RAB38: variants seen among roughly 807,000 people sequenced by gnomAD.
RAB38 encodes the protein RAB38, member RAS oncogene family.
A neutral mutation model predicts 18.4 loss-of-function variants in RAB38; 15 were observed. That is an observed-to-expected ratio of 0.82 (90% CI 0.55 to 1.26). The LOEUF is 1.26. RAB38 is among the 50% of genes most tolerant of loss of function. The probability of loss-of-function intolerance (pLI) is 0.00; values close to 1 mark genes in which losing one functional copy is unlikely to be tolerated. For missense variants in RAB38, 294 were observed against 267.4 expected (o/e 1.10, Z -0.69); for synonymous variants, 101 against 104.4 (o/e 0.97, Z 0.20).
At position 88,149,880 on chromosome 11, in the gene RAB38, G is replaced by C. The variant is rs1197731897; in HGVS notation, c.278C>G (p.Thr93Ser). The change falls in exon 2 of 3, where the codon ACC becomes AGC. Residue 93 changes from threonine (T) to serine (S), a missense_variant. Thr to Ser is a moderately conservative substitution (Grantham distance 58, BLOSUM62 1). Transcript: ENST00000243662. ...CACTGCTTCAAATGTGGCTGGCCTG[G>C]TGACATCGAAGACAATAAATGCACC... ...AMGAFIVFDV[T>S]RPATFEAVAK... The C allele has an allele frequency of 1.2e-6, 2 of 1,613,820 alleles. No homozygotes were observed. The highest frequency in any genetic ancestry group is 1.1e-5 in the South Asian group (1 of 91,044).
At chr11:88,088,319 T>G in the RAB38 span, among the ~76,000 whole-genome samples, 1 of 151,938 alleles carries the variant, frequency 6.6e-6, no homozygotes, top group South Asian at 2.1e-4. Context: ...AAATGCAGGT[T>G]GTGGTGTCCT....
the RAB38 span, among the ~76,000 whole-genome samples, chr11:87,868,068 A>G: frequency 6.6e-6 from 1 of 151,728 alleles, no homozygotes; most frequent in Non-Finnish European, 1.5e-5. Context: ...TGAAATGTGG[A>G]ACATTATGTT....
the RAB38 span, among the ~76,000 whole-genome samples, chr11:87,893,176 C>A: frequency 2.0e-5 from 3 of 151,234 alleles, no homozygotes; most frequent in African/African-American, 7.3e-5. Flanking sequence ...TTTTCTCTCA[C>A]CAAAGACCAG....
chr11:87,969,239 T>A, the RAB38 span, among the ~76,000 whole-genome samples: 1 of 152,130 alleles, frequency 6.6e-6, no homozygotes, highest in Admixed American at 6.6e-5. Flanking sequence ...AAGATCCTCA[T>A]CTTACACAAC....
Position 88,149,714 on chromosome 11 carries a change from C to G in RAB38, c.444G>C (p.Lys148Asn). The change falls in exon 2 of 3, where the codon AAG (lysine) becomes AAC (asparagine). Residue 148 changes from lysine (K) to asparagine (N), a missense_variant. Physicochemically the swap from Lys to Asn is moderately conservative, Grantham distance 94 (BLOSUM62 0). Transcript: ENST00000243662. ...CAAACCATCCTACGAAACCGTGCTC[C>G]TTGCAGAACTGGTCCATCTTGAGGC... ...NNGLKMDQFCKEHGFVGWFET... is the reference protein window; with the variant it reads ...NNGLKMDQFCNEHGFVGWFET... The G allele has an allele frequency of 6.2e-7, 1 of 1,613,596 alleles. No homozygotes were observed. The highest frequency in any genetic ancestry group is 8.5e-7 in the Non-Finnish European group (1 of 1,179,560).
the RAB38 span, among the ~76,000 whole-genome samples, chr11:88,053,723 T>G: frequency 6.6e-6 from 1 of 151,428 alleles, no homozygotes; most frequent in Non-Finnish European, 1.5e-5. Context: ...TGATACGCAG[T>G]GACTTGCCAA....
the RAB38 span, among the ~76,000 whole-genome samples, chr11:87,938,876 T>C: frequency 3.3e-5 from 5 of 151,914 alleles, no homozygotes; most frequent in African/African-American, 9.7e-5. Flanking sequence ...AGTATTACTA[T>C]ATTTATTTTA....
chr11:88,146,198 T>C (rs1942983455), intron 2 of RAB38, among the ~76,000 whole-genome samples: 1 of 152,184 alleles, frequency 6.6e-6, no homozygotes, highest in Admixed American at 6.5e-5. Context: ...AGGGTAAATT[T>C]CCCTCAGCAG....
chr11:87,869,283 A>G, the RAB38 span, among the ~76,000 whole-genome samples: 1 of 150,650 alleles, frequency 6.6e-6, no homozygotes, highest in East Asian at 2.0e-4. Context: ...TTTAACATCT[A>G]TCTCATTTAA....
chr11:87,822,574 A>G, the RAB38 span, among the ~76,000 whole-genome samples: 7 of 152,220 alleles, frequency 4.6e-5, no homozygotes, highest in Non-Finnish European at 7.3e-5. Flanking sequence ...AGCTTACTCA[A>G]GTGAAACTCT....
At chr11:87,923,333 T>C in the RAB38 span, among the ~76,000 whole-genome samples, 1 of 151,906 alleles carries the variant, frequency 6.6e-6, no homozygotes, top group East Asian at 1.9e-4. Context: ...GGGATTGCCC[T>C]TTTTTTCCTA....
At chr11:88,133,446 C>A (rs552416022) in intron 2 of RAB38, among the ~76,000 whole-genome samples, 199 of 152,134 alleles carry the variant, frequency 1.3e-3, no homozygotes, top group African/African-American at 4.7e-3. Context: ...TTTTGTAGAC[C>A]TGAAATTTAG....
the RAB38 span, among the ~76,000 whole-genome samples, chr11:87,956,295 ATTG>A: frequency 6.6e-6 from 1 of 152,212 alleles, no homozygotes; most frequent in African/African-American, 2.4e-5. Context: ...AATTGTAGCT[ATTG>A]TTCTTATTAT....
the RAB38 span, among the ~76,000 whole-genome samples, chr11:87,830,145 A>AT: frequency 6.6e-6 from 1 of 152,162 alleles, no homozygotes; most frequent in Admixed American, 6.6e-5. Context: ...GCCCAGAATT[A>AT]TATTAGACAT....
the RAB38 span, among the ~76,000 whole-genome samples, chr11:87,898,728 T>C: frequency 5.3e-5 from 8 of 151,704 alleles, no homozygotes; most frequent in Non-Finnish European, 1.2e-4. Context: ...AACATCAGTT[T>C]CTCACTGGTT....
the RAB38 span, among the ~76,000 whole-genome samples, chr11:88,078,244 A>G: frequency 6.6e-5 from 10 of 152,070 alleles, no homozygotes; most frequent in African/African-American, 2.4e-4. Flanking sequence ...CAACTAACGG[A>G]AAACTGTGTG....
chr11:88,104,657 A>T, the RAB38 span, among the ~76,000 whole-genome samples: 1 of 152,154 alleles, frequency 6.6e-6, no homozygotes, highest in Non-Finnish European at 1.5e-5. Context: ...TGGGCACTAA[A>T]TAAACAGTAT....
chr11:87,879,513 C>T, the RAB38 span: 1 of 151,762 alleles, frequency 6.6e-6, no homozygotes, highest in East Asian at 2.0e-4. Context: ...ACTCTAAGAG[C>T]TTATGCAGTG....
At chr11:87,942,023 G>T in the RAB38 span, among the ~76,000 whole-genome samples, 4 of 152,116 alleles carry the variant, frequency 2.6e-5, no homozygotes, top group African/African-American at 4.8e-5. Context: ...CTTGCCTGTG[G>T]CCTGTAACTT....
Sources: allele counts gnomAD v4.1 joint callset (sites outside exome capture counted in the v4.1 genomes callset), GRCh38; gene constraint gnomAD v4.1.1; transcripts MANE v1.5; gene names NCBI Gene and HGNC (gene_info 2026-07-23, HGNC 2026-07-21).